The following C1QTNF7 variants were observed in gnomAD, a reference collection of about 807,000 sequenced individuals.
The protein encoded by C1QTNF7 is complement C1q tumor necrosis factor-related protein 7.
A neutral mutation model predicts 19.6 loss-of-function variants in C1QTNF7; 15 were observed. The observed-to-expected ratio is 0.76, with a 90% confidence interval of 0.51 to 1.18. The LOEUF is 1.18. C1QTNF7 is among the 50% of genes most tolerant of loss of function. The pLI is 0.00. For synonymous variants in C1QTNF7, 142 were observed against 137.5 expected (o/e 1.03, Z -0.23); for missense variants, 324 against 359.7 (o/e 0.90, Z 0.80).
intron 1 of C1QTNF7, among the ~76,000 whole-genome samples, chr4:15,385,675 C>T (rs1034170554): frequency 3.9e-5 from 6 of 152,116 alleles, no homozygotes; most frequent in Non-Finnish European, 7.4e-5. Flanking sequence ...TGAAAGTCCA[C>T]TCCGATCTGA....
At chr4:15,387,846 A>G (rs6845382) in intron 1 of C1QTNF7, among the ~76,000 whole-genome samples, 73,281 of 152,032 alleles carry the variant, frequency 0.48, 19,272 homozygotes, top group African/African-American at 0.69. Context: ...ATCTGTATAT[A>G]TTACATATAT....
intron 1 of C1QTNF7, among the ~76,000 whole-genome samples, chr4:15,370,792 T>C (rs528087774): frequency 6.6e-6 from 1 of 152,322 alleles, no homozygotes; most frequent in South Asian, 2.1e-4. Context: ...AGGATTTTTT[T>C]CCAGTTTATA....
At chr4:15,343,664 CA>C (rs1716622584) in intron 1 of C1QTNF7, among the ~76,000 whole-genome samples, 2 of 152,180 alleles carry the variant, frequency 1.3e-5, no homozygotes, top group Non-Finnish European at 2.9e-5. Context: ...ATCTAAAATG[CA>C]AAATTAGATA....
intron 1 of C1QTNF7, among the ~76,000 whole-genome samples, chr4:15,346,503 T>C (rs916198387): frequency 5.9e-5 from 9 of 152,198 alleles, no homozygotes; most frequent in Non-Finnish European, 1.3e-4. Context: ...ATGAAAACAT[T>C]CCTTGGTGGC....
upstream of C1QTNF7, among the ~76,000 whole-genome samples, chr4:15,425,775 G>A (rs189587722): frequency 1.1e-3 from 175 of 152,244 alleles, no homozygotes; most frequent in African/African-American, 3.9e-3. Flanking sequence ...TTAGCACGTT[G>A]TACATGCTCA....
chr4:15,349,730 T>C (rs141187479), intron 1 of C1QTNF7, among the ~76,000 whole-genome samples: 5 of 152,312 alleles, frequency 3.3e-5, no homozygotes, highest in African/African-American at 1.2e-4. Flanking sequence ...GGGTCTTGCC[T>C]TGGAACCAAT....
chr4:15,382,751 TA>T (rs1256807667), intron 1 of C1QTNF7, among the ~76,000 whole-genome samples: 3 of 152,158 alleles, frequency 2.0e-5, no homozygotes. Flanking sequence ...CAGACTTTCT[TA>T]AAAAAAGCCA....
At chr4:15,410,914 C>G (rs1208824134) in intron 1 of C1QTNF7, among the ~76,000 whole-genome samples, 1 of 152,196 alleles carries the variant, frequency 6.6e-6, no homozygotes, top group Non-Finnish European at 1.5e-5. Flanking sequence ...ACAATATCAA[C>G]ATCAATTTCG....
chr4:15,378,404 C>G (rs920307389), intron 1 of C1QTNF7, among the ~76,000 whole-genome samples: 2 of 152,068 alleles, frequency 1.3e-5, no homozygotes, highest in Non-Finnish European at 2.9e-5. Context: ...TATCATATGC[C>G]ATAAGTAATT....
chr4:15,344,874 G>C (rs942412571), intron 1 of C1QTNF7, among the ~76,000 whole-genome samples: 11 of 152,144 alleles, frequency 7.2e-5, no homozygotes, highest in African/African-American at 2.4e-4. Context: ...AAATTCAACT[G>C]TCTACCTCTC....
intron 1 of C1QTNF7, among the ~76,000 whole-genome samples, chr4:15,432,776 G>A (rs975384055): frequency 2.0e-5 from 3 of 152,200 alleles, no homozygotes; most frequent in Non-Finnish European, 4.4e-5. Flanking sequence ...AATGCTTGAA[G>A]CATTTAGACT....
At chr4:15,379,564 G>A (rs6848204) in intron 1 of C1QTNF7, among the ~76,000 whole-genome samples, 73,056 of 151,978 alleles carry the variant, frequency 0.48, 19,187 homozygotes, top group African/African-American at 0.69. Flanking sequence ...AGTCAACCCA[G>A]GACTGCTGGA....
At chr4:15,393,945 G>T (rs909221435) in intron 1 of C1QTNF7, among the ~76,000 whole-genome samples, 1 of 144,810 alleles carries the variant, frequency 6.9e-6, no homozygotes, top group Admixed American at 7.0e-5. Flanking sequence ...TTCCTACATC[G>T]TATAGTGACT....
Position 15,442,975 on chromosome 4 carries a change from A to G in C1QTNF7, c.*176A>G, listed in dbSNP as rs1712848110. ...ACAGAAAAGTTGAAACCACAACAAA[A>G]TGAATTCTATTAAAGAATAGCCCCA... On this transcript the variant is annotated 3_prime_UTR_variant, in exon 3 of 3. Transcript: ENST00000444304. 2.3e-5 allele frequency: 13 copies of G among 555,754 alleles called. No individual in the cohort carries two copies. The highest frequency in any genetic ancestry group is 4.9e-4 in the Middle Eastern group (1 of 2,054). The allele number at this position is 555,754 out of a possible 1,614,324, so 34.4% of individuals were successfully genotyped here. A position where few individuals can be genotyped will look rare whatever the true frequency, so the allele number is the denominator to read the frequency against.
At chr4:15,368,694 T>C (rs1457254855) in intron 1 of C1QTNF7, among the ~76,000 whole-genome samples, 1 of 152,244 alleles carries the variant, frequency 6.6e-6, no homozygotes, top group Non-Finnish European at 1.5e-5. Context: ...CTATAATTGA[T>C]GGGCATTTGG....
intron 1 of C1QTNF7, among the ~76,000 whole-genome samples, chr4:15,386,146 C>T (rs1032325612): frequency 2.6e-5 from 4 of 152,166 alleles, no homozygotes; most frequent in African/African-American, 9.7e-5. Flanking sequence ...CGCATCCCAG[C>T]CCGGCTCCAC....
intron 1 of C1QTNF7, among the ~76,000 whole-genome samples, chr4:15,393,343 C>A (rs1197292519): frequency 1.3e-5 from 2 of 152,092 alleles, no homozygotes; most frequent in Admixed American, 1.3e-4. Flanking sequence ...AACGTGGGTC[C>A]CACACTCTTC....
intron 1 of C1QTNF7, among the ~76,000 whole-genome samples, chr4:15,433,471 C>A (rs1419579713): frequency 6.6e-6 from 1 of 152,098 alleles, no homozygotes; most frequent in East Asian, 1.9e-4. Flanking sequence ...TATTAAAATT[C>A]TTTAAAGAAA....
intron 1 of C1QTNF7, among the ~76,000 whole-genome samples, chr4:15,376,507 C>A (rs938218295): frequency 1.3e-5 from 2 of 152,156 alleles, no homozygotes; most frequent in Non-Finnish European, 2.9e-5. Flanking sequence ...AGTTCCCTTA[C>A]AATAAAATAG....
Sources: allele counts gnomAD v4.1 joint callset (sites outside exome capture counted in the v4.1 genomes callset), GRCh38; gene constraint gnomAD v4.1.1; transcripts MANE v1.5; gene names NCBI Gene and HGNC (gene_info 2026-07-23, HGNC 2026-07-21).